Variants in CATSPERB observed in about 807,000 individuals in gnomAD.
CATSPERB encodes cation channel sperm-associated auxiliary subunit beta.
A neutral mutation model predicts 128.3 loss-of-function variants in CATSPERB; 93 were observed. The observed-to-expected ratio is 0.72, with a 90% CI of 0.61 to 0.86. The LOEUF (loss-of-function observed/expected upper bound fraction) is 0.86. Among genes scored for constraint, CATSPERB ranks in the 40% least tolerant of loss-of-function variants. CATSPERB has a pLI of 0.00. For missense variants in CATSPERB, 1,153 were observed against 1,329.5 expected (o/e 0.87, Z 2.06); for synonymous variants, 381 against 448.8 (o/e 0.85, Z 1.91).
In CATSPERB at chr14:91,651,964, T is replaced by C. The variant is rs910079810; in HGVS notation, c.1432+7873A>G. Among the ~76,000 whole-genome samples, 8 of 152,198 alleles carry C rather than the reference T, an allele frequency of 5.3e-5. 1 individual carries two copies. Reference sequence around the variant, plus strand: ...TAGAGATTTTACTTTGATCTGTATATAAAATCTAAAACAACCAATTTCCAG... The same window carrying C: ...TAGAGATTTTACTTTGATCTGTATACAAAATCTAAAACAACCAATTTCCAG... On this transcript the variant is annotated intron_variant, in intron 15 of 26. Transcript: ENST00000256343.
chr14:91,724,599 G>A (rs899586431), intron 3 of CATSPERB, among the ~76,000 whole-genome samples: 1 of 151,998 alleles, frequency 6.6e-6, no homozygotes, highest in Non-Finnish European at 1.5e-5. Flanking sequence ...GCATGATCTT[G>A]ATAGCATGCT....
chr14:91,588,536 T>C (rs1235918318), intron 24 of CATSPERB, among the ~76,000 whole-genome samples: 1 of 152,172 alleles, frequency 6.6e-6, no homozygotes, highest in Non-Finnish European at 1.5e-5. Context: ...ACAATGAGAT[T>C]ACTTGACTAT....
intron 14 of CATSPERB, among the ~76,000 whole-genome samples, chr14:91,662,579 T>C (rs771679478): frequency 1.3e-5 from 2 of 152,320 alleles, no homozygotes; most frequent in East Asian, 1.9e-4. Flanking sequence ...TGGTGGGACA[T>C]AGGATATGCA....
At chr14:91,690,235 C>A (rs1410860506) in intron 10 of CATSPERB, among the ~76,000 whole-genome samples, 1 of 152,178 alleles carries the variant, frequency 6.6e-6, no homozygotes, top group African/African-American at 2.4e-5. Context: ...TCAGGTGATC[C>A]ACCCGCCTCA....
chr14:91,684,195 C>G (rs956886395), intron 10 of CATSPERB, among the ~76,000 whole-genome samples: 1 of 152,126 alleles, frequency 6.6e-6, no homozygotes, highest in Admixed American at 6.5e-5. Flanking sequence ...ATGGAGGATG[C>G]CCTTGTCTAT....
intron 5 of CATSPERB, among the ~76,000 whole-genome samples, chr14:91,718,786 C>T (rs1895982975): frequency 6.6e-6 from 1 of 152,008 alleles, no homozygotes; most frequent in Admixed American, 6.6e-5. Flanking sequence ...CTTTGGGTTC[C>T]ATGACTAAAA....
intron 1 of CATSPERB, 29 bp from the exon 2 acceptor site, chr14:91,729,508 C>T (rs1896178554): frequency 8.1e-7 from 1 of 1,232,630 alleles, no homozygotes. Context: ...ATTATTTTCA[C>T]TCAATTTCTG....
chr14:91,722,051 G>A lies in CATSPERB; in HGVS notation c.309+998C>T, dbSNP rs535898204. 2.6e-5 allele frequency among the ~76,000 whole-genome samples: 4 copies of A among 151,976 alleles called. No individual in the cohort carries two copies. In the South Asian group the frequency reaches 8.3e-4, roughly 32 times the overall value. ...ACCCTGTCTCTAAACAAAAAAGAAA[G>A]AAAGAAAAGAAATTGGAATTCTAAC... On this transcript the variant is annotated intron_variant, in intron 4 of 26. Transcript: ENST00000256343.
intron 7 of CATSPERB, among the ~76,000 whole-genome samples, chr14:91,704,105 T>TC (rs562566183): frequency 3.5e-3 from 536 of 152,274 alleles, no homozygotes; most frequent in Admixed American, 7.5e-3. Context: ...CATTTGGTAT[T>TC]AGAGTGTTAT....
At chr14:91,664,715 A>G (rs1894949264) in intron 14 of CATSPERB, among the ~76,000 whole-genome samples, 1 of 152,168 alleles carries the variant, frequency 6.6e-6, no homozygotes, top group Non-Finnish European at 1.5e-5. Flanking sequence ...TTAGATTTAC[A>G]TCTGTTTTAG....
intron 26 of CATSPERB, among the ~76,000 whole-genome samples, chr14:91,586,220 C>A (rs911767187): frequency 2.0e-5 from 3 of 152,184 alleles, no homozygotes; most frequent in Non-Finnish European, 4.4e-5. Context: ...GATGTCCCCC[C>A]ATGCTTTCCA....
chr14:91,661,903 A>G (rs547505678), intron 14 of CATSPERB, among the ~76,000 whole-genome samples: 144 of 152,264 alleles, frequency 9.5e-4, no homozygotes, highest in Non-Finnish European at 2.9e-4. Context: ...CCAGTAGTGT[A>G]TGAGAGTATC....
intron 20 of CATSPERB, among the ~76,000 whole-genome samples, chr14:91,615,926 C>T (rs561851013): frequency 4.3e-4 from 65 of 150,124 alleles, no homozygotes; most frequent in South Asian, 6.3e-4. Context: ...GTTGCCCAGG[C>T]TGGAGTGCAG....
At chr14:91,692,398 C>G (rs957800895) in intron 9 of CATSPERB, among the ~76,000 whole-genome samples, 4 of 152,106 alleles carry the variant, frequency 2.6e-5, no homozygotes, top group Non-Finnish European at 4.4e-5. Flanking sequence ...GGTTTCAACT[C>G]TCTGTTTTAG....
Position 91,683,898 on chromosome 14 carries a change from C to T in CATSPERB, c.910G>A (p.Ala304Thr). The change falls in exon 11 of 27, where the codon GCT becomes ACT. Residue 304 changes from alanine to threonine, a missense_variant. By Grantham distance (58) the Ala-to-Thr change is moderately conservative. Transcript: ENST00000256343. The stretch of plus-strand genomic sequence containing the variant: ...TTACCTTCAAAGTGCTCTCTGTTAG[C>T]AAAACATCTTTCATTATACCACAGT... Reference protein sequence around the residue: ...GKLWYNERCFANREHFEVDYV... With the variant: ...GKLWYNERCFTNREHFEVDYV... 1 of 1,606,660 alleles carries T rather than the reference C, an allele frequency of 6.2e-7. No individual in the cohort carries two copies. Among genetic ancestry groups the T allele is most frequent in the Non-Finnish European group, 8.5e-7 (1 of 1,176,962 alleles).
intron 7 of CATSPERB, among the ~76,000 whole-genome samples, chr14:91,701,749 C>T (rs547135091): frequency 8.6e-5 from 13 of 151,860 alleles, no homozygotes; most frequent in Admixed American, 2.0e-4. Context: ...AACAAGGCCT[C>T]GCAAAGGAAC....
intron 11 of CATSPERB, among the ~76,000 whole-genome samples, chr14:91,675,899 T>C (rs1261717044): frequency 6.6e-6 from 1 of 152,192 alleles, no homozygotes; most frequent in African/African-American, 2.4e-5. Context: ...TGTGAATTCT[T>C]CTGTGGGTTA....
chr14:91,722,886 A>G (rs1896056689), intron 4 of CATSPERB, among the ~76,000 whole-genome samples, 163 bp downstream of exon 4: 1 of 152,172 alleles, frequency 6.6e-6, no homozygotes, highest in Admixed American at 6.5e-5. Context: ...TTTATTTAAA[A>G]ATATATGACT....
intron 11 of CATSPERB, among the ~76,000 whole-genome samples, chr14:91,682,068 T>C (rs1008509631): frequency 5.9e-5 from 9 of 152,202 alleles, no homozygotes; most frequent in Non-Finnish European, 7.3e-5. Context: ...CCCTCCAGAA[T>C]AGAACAGACT....
Sources: allele counts gnomAD v4.1 joint callset (sites outside exome capture counted in the v4.1 genomes callset), GRCh38; gene constraint gnomAD v4.1.1; transcripts MANE v1.5; gene names NCBI Gene and HGNC (gene_info 2026-07-23, HGNC 2026-07-21).